The following ADCY1 variants were observed in gnomAD, a reference collection of about 807,000 sequenced individuals.
The protein encoded by ADCY1 is adenylate cyclase 1.
Under a neutral mutation model 105.4 loss-of-function variants are expected in ADCY1, and 28 were observed. The observed-to-expected ratio is 0.27, with a 90% confidence interval of 0.20 to 0.36. ADCY1 has a LOEUF of 0.36. Among genes scored for constraint, ADCY1 ranks in the 10% least tolerant of loss-of-function variants. ADCY1 has a pLI of 1.00. For missense variants in ADCY1, 977 were observed against 1,434.2 expected (o/e 0.68, Z 5.15); for synonymous variants, 655 against 623.8 (o/e 1.05, Z -0.75).
intron 2 of ADCY1, among the ~76,000 whole-genome samples, chr7:45,609,347 C>T (rs976766493): frequency 1.7e-4 from 26 of 152,244 alleles, no homozygotes; most frequent in Admixed American, 3.9e-4. Context: ...GGAGAGGAGG[C>T]GGAAGCATCT....
intron 10 of ADCY1, among the ~76,000 whole-genome samples, chr7:45,678,618 A>G (rs1056302205): frequency 2.3e-4 from 35 of 151,250 alleles, no homozygotes; most frequent in African/African-American, 7.3e-4. Flanking sequence ...AGTGGCTCAT[A>G]CCTGTAACCC....
chr7:45,644,467 C>T (rs950668941), intron 4 of ADCY1, among the ~76,000 whole-genome samples: 2 of 152,202 alleles, frequency 1.3e-5, no homozygotes, highest in Non-Finnish European at 2.9e-5. Context: ...GCAAGCTGGC[C>T]GCAGCTCTTT....
chr7:45,616,719 T>C (rs1450713521), intron 3 of ADCY1, among the ~76,000 whole-genome samples: 1 of 152,106 alleles, frequency 6.6e-6, no homozygotes, highest in Admixed American at 6.5e-5. Flanking sequence ...TACTCAATGA[T>C]GAAAAACAAA....
chr7:45,686,288 A>G lies in ADCY1; in HGVS notation c.2327+73A>G. On this transcript the variant is annotated intron_variant, in intron 13 of 19. Coordinates refer to ENST00000297323, the MANE Select transcript of ADCY1 (RefSeq NM_021116.4). This position sits in a 1 kb window ranked among gnomAD's most constrained non-coding sequence, Gnocchi z 4.3. ...GAATCTGTGTATACAGATATGCACT[A>G]CAGGCTTCTGAGTCCAGAACTAGTC... 1 of 1,543,950 alleles carries G rather than the reference A, an allele frequency of 6.5e-7. No individual in the cohort carries two copies. Among genetic ancestry groups the G allele is most frequent in the Non-Finnish European group, 8.7e-7 (1 of 1,142,920 alleles).
intron 1 of ADCY1, among the ~76,000 whole-genome samples, chr7:45,582,333 C>G (rs1792575942): frequency 6.6e-6 from 1 of 152,130 alleles, no homozygotes; most frequent in Non-Finnish European, 1.5e-5. Context: ...ACCTCCAGCT[C>G]CGTGACCTTG....
At chr7:45,669,357 A>G (rs1359932221) in intron 8 of ADCY1, among the ~76,000 whole-genome samples, 1 of 152,186 alleles carries the variant, frequency 6.6e-6, no homozygotes, top group Non-Finnish European at 1.5e-5. Context: ...TTCAAAGAAC[A>G]TCTTTATTTC....
At chr7:45,694,986 C>G (rs1184914972) in intron 14 of ADCY1, among the ~76,000 whole-genome samples, 3 of 152,250 alleles carry the variant, frequency 2.0e-5, no homozygotes, top group African/African-American at 7.2e-5. Context: ...GACCAGAACA[C>G]TGTGTCCTCT....
chr7:45,610,822 A>G (rs1301617060), intron 3 of ADCY1, among the ~76,000 whole-genome samples: 12 of 5,072 alleles, frequency 2.4e-3, no homozygotes, highest in Admixed American at 6.7e-3. Flanking sequence ...GGAGGTATGG[A>G]GGTGATAGTG....
chr7:45,720,687 A>G lies in ADCY1; in HGVS notation c.*6692A>G, dbSNP rs1373445275. Reference sequence around the variant, plus strand: ...CCCGTCACCAGATTCAATATGTTCTATTAATACACCGATAACCACAGGGGA... The same window carrying G: ...CCCGTCACCAGATTCAATATGTTCTGTTAATACACCGATAACCACAGGGGA... On this transcript the variant is annotated 3_prime_UTR_variant, in exon 20 of 20. Coordinates refer to ENST00000297323, the MANE Select transcript of ADCY1 (RefSeq NM_021116.4). The G allele has an allele frequency of 6.6e-6, 1 of 152,132 alleles. No homozygotes were observed. Among genetic ancestry groups the G allele is most frequent in the Non-Finnish European group, 1.5e-5 (1 of 68,024 alleles). 9.4% of individuals were successfully genotyped at this position (152,132 alleles called of 1,614,324 possible).
Position 45,686,564 on chromosome 7 carries a change from G to A in ADCY1, c.2345G>A (p.Gly782Glu), listed in dbSNP as rs1182498986. 3.1e-6 allele frequency: 5 copies of A among 1,611,746 alleles called. No individual in the cohort carries two copies. The African/African-American group carries it at 4.0e-5, about 13-fold the overall frequency. The change falls in exon 14 of 20, where the codon GGG (glycine) becomes GAG (glutamate). Residue 782 changes from glycine to glutamate, a missense_variant. Around this residue, in one of 7 missense-constraint regions of ADCY1, gnomAD observed 275 missense variants for 362.1 expected, o/e 0.76. Transcript: ENST00000297323. The surrounding 1 kb of genome is among the most constrained non-coding windows in gnomAD (Gnocchi z 4.3). ...TCCCCCAGGGGTGGTGCCGTCTCCGGGCGCAGCTACGAGCCGATTGTGGCC... is the reference window on the plus strand; with the variant it reads ...TCCCCCAGGGGTGGTGCCGTCTCCGAGCGCAGCTACGAGCCGATTGTGGCC... The part of the protein sequence containing the change: ...YTRTGGGAVS[G>E]RSYEPIVAIL...
In ADCY1 at chr7:45,579,167, C is replaced by T. The variant is rs1050899643; in HGVS notation, c.639+3985C>T. ...ATAGGGCTCAAGGGCCCTGGATGACCTGGTTGTTGATAGCAAAGCTCGTGG... is the reference window on the plus strand; with the variant it reads ...ATAGGGCTCAAGGGCCCTGGATGACTTGGTTGTTGATAGCAAAGCTCGTGG... On this transcript the variant is annotated intron_variant, in intron 1 of 19. Transcript: ENST00000297323. 2.6e-5 allele frequency among the ~76,000 whole-genome samples: 4 copies of T among 152,156 alleles called. No homozygotes were observed. The South Asian group carries it at 8.3e-4, about 32-fold the overall frequency.
intron 2 of ADCY1, among the ~76,000 whole-genome samples, chr7:45,596,257 A>C (rs913612912): frequency 2.0e-5 from 3 of 152,004 alleles, no homozygotes; most frequent in Non-Finnish European, 4.4e-5. Context: ...TCCATTCAGC[A>C]CCTGTTCCCA....
intron 2 of ADCY1, among the ~76,000 whole-genome samples, chr7:45,604,542 A>G (rs867243197): frequency 3.9e-5 from 6 of 152,256 alleles, no homozygotes; most frequent in East Asian, 1.9e-4. Flanking sequence ...TTTTTTGTCT[A>G]TGAATGTCAA....
upstream of ADCY1, chr7:45,574,300 G>C (rs1792244531): frequency 4.0e-6 from 1 of 252,008 alleles, no homozygotes; most frequent in Non-Finnish European, 6.2e-6. The surrounding 1 kb of genome is among the most constrained non-coding windows in gnomAD (Gnocchi z 7.0). Context: ...GTCGCAGCGC[G>C]GTCGCCGCCG....
At chr7:45,671,617 A>G (rs1171511321) in intron 8 of ADCY1, among the ~76,000 whole-genome samples, 2 of 152,272 alleles carry the variant, frequency 1.3e-5, no homozygotes, top group Admixed American at 6.5e-5. Context: ...TAGCTGTTCT[A>G]ATAAGTATGT....
chr7:45,677,974 C>T lies in ADCY1; in HGVS notation c.1711C>T (p.Arg571Cys). 1.2e-6 allele frequency: 2 copies of T among 1,614,180 alleles called. No homozygotes were observed. The highest frequency in any genetic ancestry group is 1.3e-5 in the African/African-American group (1 of 75,042). ...CACTCGCGTCAACAGGTACATCAGC[C>T]GCCTCTTAGAAGCCCGCCAGACAGA... The part of the protein sequence containing the change: ...PGTRVNRYIS[R>C]LLEARQTELE... Residue 571 changes from arginine (R) to cysteine (C), a missense_variant, in exon 9 of 20, where the codon CGC becomes TGC. Transcript: ENST00000297323.
intron 3 of ADCY1, among the ~76,000 whole-genome samples, chr7:45,611,338 T>A (rs935470066): frequency 1.3e-5 from 2 of 152,014 alleles, no homozygotes; most frequent in Non-Finnish European, 2.9e-5. Context: ...CATGTTACAG[T>A]TATCTTTCCA....
At chr7:45,664,215 T>C in intron 8 of ADCY1, 1 of 1,411,606 alleles carries the variant, frequency 7.1e-7, no homozygotes, top group Middle Eastern at 1.7e-4. Context: ...TAGGAGAAGT[T>C]TCAGAGCCTG....
At chr7:45,658,223 T>G (rs1339316519) in intron 6 of ADCY1, among the ~76,000 whole-genome samples, 3 of 152,228 alleles carry the variant, frequency 2.0e-5, no homozygotes, top group African/African-American at 7.2e-5. Flanking sequence ...CACTTCTCTT[T>G]TTGCTGTCTT....
Sources: allele counts gnomAD v4.1 joint callset (sites outside exome capture counted in the v4.1 genomes callset), GRCh38; gene constraint gnomAD v4.1.1; regional missense constraint gnomAD v4.1.1; non-coding constraint Gnocchi (gnomAD v3.1); transcripts MANE v1.5; gene names NCBI Gene and HGNC (gene_info 2026-07-23, HGNC 2026-07-21).